ITPR2: variants seen among roughly 807,000 people sequenced by gnomAD.
ITPR2 encodes the protein inositol 1,4,5-trisphosphate-gated calcium channel ITPR2.
ITPR2 carries 207 observed loss-of-function variants against 317.1 expected under a neutral mutation model. The ratio of observed to expected loss-of-function variants is 0.65; its 90% CI spans 0.58 to 0.73. The LOEUF (loss-of-function observed/expected upper bound fraction) is 0.73, where lower values mean the gene tolerates loss of function less well. Ranked by LOEUF, ITPR2 falls within the 30% of genes least tolerant of loss-of-function variation. The probability of loss-of-function intolerance (pLI) is 0.00; values close to 1 mark genes in which losing one functional copy is unlikely to be tolerated. For missense variants in ITPR2, 2,613 were observed against 3,284.0 expected (o/e 0.80, Z 4.99); for synonymous variants, 1,156 against 1,149.1 (o/e 1.01, Z -0.12).
intron 45 of ITPR2, 74 bp downstream of exon 45, chr12:26,475,222 A>T: frequency 6.4e-7 from 1 of 1,553,262 alleles, no homozygotes; most frequent in South Asian, 1.1e-5. Context: ...AGAACTTGAA[A>T]ATATGACAAG....
intron 55 of ITPR2, among the ~76,000 whole-genome samples, chr12:26,351,638 C>T (rs919812226): frequency 1.3e-5 from 2 of 152,042 alleles, no homozygotes; most frequent in Non-Finnish European, 2.9e-5. Flanking sequence ...CTGGGTGACA[C>T]GGTGAGACCC....
intron 34 of ITPR2, among the ~76,000 whole-genome samples, chr12:26,569,409 C>T (rs1370215545): frequency 2.0e-5 from 3 of 151,646 alleles, no homozygotes; most frequent in Non-Finnish European, 4.4e-5. Context: ...CAAAAATTAG[C>T]CGGGTGTGGC....
At chr12:26,424,355 T>G (rs1357898352) in intron 49 of ITPR2, among the ~76,000 whole-genome samples, 6 of 152,136 alleles carry the variant, frequency 3.9e-5, no homozygotes, top group Non-Finnish European at 8.8e-5. Flanking sequence ...CAGGTAGATG[T>G]CTTCTTTTGT....
intron 1 of ITPR2, among the ~76,000 whole-genome samples, chr12:26,796,615 C>T (rs1456952651): frequency 1.3e-5 from 2 of 152,156 alleles, no homozygotes; most frequent in South Asian, 2.1e-4. Context: ...ATATGCTCTA[C>T]AGAAATCTTA....
intron 1 of ITPR2, among the ~76,000 whole-genome samples, chr12:26,816,032 G>C (rs1415093283): frequency 2.8e-5 from 4 of 144,958 alleles, no homozygotes; most frequent in Non-Finnish European, 6.0e-5. Flanking sequence ...GGCAGAGCTT[G>C]CAGTGAGCTG....
chr12:26,671,665 C>T (rs1374554231), intron 13 of ITPR2, among the ~76,000 whole-genome samples: 3 of 151,688 alleles, frequency 2.0e-5, no homozygotes, highest in African/African-American at 7.3e-5. Flanking sequence ...AACTAGCTAA[C>T]ATCATAATGA....
intron 2 of ITPR2, among the ~76,000 whole-genome samples, chr12:26,738,648 GA>G (rs1337812431): frequency 6.6e-6 from 1 of 151,994 alleles, no homozygotes; most frequent in Admixed American, 6.6e-5. Flanking sequence ...CAACAAGAAT[GA>G]GCTTGGGTCT....
At chr12:26,554,337 A>T (rs1944606232) in intron 36 of ITPR2, among the ~76,000 whole-genome samples, 1 of 152,214 alleles carries the variant, frequency 6.6e-6, no homozygotes. Context: ...TAATTCATTT[A>T]AACTATAATT....
intron 32 of ITPR2, among the ~76,000 whole-genome samples, chr12:26,583,888 G>GA (rs1055869654): frequency 4.6e-4 from 70 of 151,012 alleles, no homozygotes; most frequent in African/African-American, 1.1e-3. Context: ...TCTTTTCCAA[G>GA]AAAAAAAAAT....
chr12:26,787,986 G>A (rs548941496), intron 2 of ITPR2, among the ~76,000 whole-genome samples: 27 of 147,450 alleles, frequency 1.8e-4, no homozygotes, highest in South Asian at 1.7e-3. Context: ...GTGCAATGGC[G>A]CGATCTCGGC....
At chr12:26,620,342 G>A (rs369470271) in intron 26 of ITPR2, among the ~76,000 whole-genome samples, 10 of 152,086 alleles carry the variant, frequency 6.6e-5, no homozygotes, top group Admixed American at 2.0e-4. Flanking sequence ...CTGTTTTCAC[G>A]TTTCACTTCA....
At position 26,649,814 on chromosome 12, in the gene ITPR2, TAGATAGATAGAC is replaced by T. The variant is rs1257766650; in HGVS notation, c.2740+4150_2740+4161del. Among the ~76,000 whole-genome samples, 1,370 of 146,984 alleles carry T rather than the reference TAGATAGATAGAC, an allele frequency of 9.3e-3. 10 individuals are homozygous for T. Among genetic ancestry groups the T allele is most frequent in the East Asian group, 0.023 (117 of 5,076 alleles). Reference sequence around the variant, plus strand: ...ATAGATAGATAGATAGATAGATAGATAGATAGATAGACAGACAGACAGATAGATAACCTGGCT... The same window carrying T: ...ATAGATAGATAGATAGATAGATAGATAGACAGACAGATAGATAACCTGGCT... On this transcript the variant is annotated intron_variant, in intron 21 of 56. Coordinates refer to ENST00000381340, the MANE Select transcript of ITPR2 (RefSeq NM_002223.4).
chr12:26,400,873 T>A (rs1389367912), intron 52 of ITPR2: 1 of 152,308 alleles, frequency 6.6e-6, no homozygotes, highest in African/African-American at 2.4e-5. Flanking sequence ...AACCTTAGGA[T>A]CCTCATCTGT....
intron 22 of ITPR2, among the ~76,000 whole-genome samples, chr12:26,629,012 T>G (rs1054498338): frequency 2.6e-5 from 4 of 152,172 alleles, no homozygotes; most frequent in African/African-American, 9.7e-5. Flanking sequence ...TCAGCATAAT[T>G]ATTAATGGTG....
intron 20 of ITPR2, 50 bp downstream of exon 20, chr12:26,655,658 C>G: frequency 9.0e-7 from 1 of 1,112,192 alleles, no homozygotes; most frequent in Non-Finnish European, 1.3e-6. Context: ...CCTTCATGAA[C>G]TAAACTACCC....
At position 26,656,359 on chromosome 12, in the gene ITPR2, G is replaced by C. The variant is rs774959293; in HGVS notation, c.2382C>G (p.Ser794=). 1 of 1,614,168 alleles carries C rather than the reference G, an allele frequency of 6.2e-7. No homozygotes were observed. The highest frequency in any genetic ancestry group is 8.5e-7 in the Non-Finnish European group (1 of 1,180,034). The change falls in exon 19 of 57, where the codon TCC becomes TCG. Residue 794 remains serine, a synonymous_variant. Transcript: ENST00000381340. ...GCCTGGCATAGCGAACAGGCACCAC[G>C]GACTCCTGGGGATCCCGGTCAACGT... is the stretch of plus-strand genomic sequence containing the variant. ...HMHVDRDPQE[S]VVPVRYARLW... is the part of the protein sequence containing the mutation.
intron 19 of ITPR2, 78 bp from the exon 20 acceptor site, chr12:26,655,930 TGGGTGC>T: frequency 7.3e-7 from 1 of 1,377,832 alleles, no homozygotes; most frequent in Non-Finnish European, 1.0e-6. Context: ...CGTAGTTTCC[TGGGTGC>T]ATAATCTTGG....
At chr12:26,547,637 C>T (rs1944421267) in intron 37 of ITPR2, among the ~76,000 whole-genome samples, 1 of 152,206 alleles carries the variant, frequency 6.6e-6, no homozygotes, top group African/African-American at 2.4e-5. Flanking sequence ...ACAGCAAAGA[C>T]ATGGAATCAA....
chr12:26,492,895 A>G (rs978966609), intron 39 of ITPR2, among the ~76,000 whole-genome samples: 17 of 140,664 alleles, frequency 1.2e-4, no homozygotes, highest in South Asian at 2.3e-4. Context: ...ATTGCACGAT[A>G]TGTGTGTGTG....
Sources: allele counts gnomAD v4.1 joint callset (sites outside exome capture counted in the v4.1 genomes callset), GRCh38; gene constraint gnomAD v4.1.1; transcripts MANE v1.5; gene names NCBI Gene and HGNC (gene_info 2026-07-23, HGNC 2026-07-21).